Variants in OSBPL5 observed in about 807,000 individuals in gnomAD.
The protein encoded by OSBPL5 is oxysterol binding protein like 5.
A neutral mutation model predicts 111.2 loss-of-function variants in OSBPL5; 71 were observed. The observed-to-expected ratio is 0.64, with a 90% CI of 0.53 to 0.78. OSBPL5 has a LOEUF of 0.78. Ranked by LOEUF, OSBPL5 falls within the 30% of genes least tolerant of loss-of-function variation. The probability of loss-of-function intolerance (pLI) is 0.00; values close to 1 mark genes in which losing one functional copy is unlikely to be tolerated. For missense variants in OSBPL5, 1,210 were observed against 1,189.3 expected, an observed-to-expected ratio of 1.02 and a Z score of -0.26; for synonymous variants, 549 against 513.9, an observed-to-expected ratio of 1.07 and a Z score of -0.93.
intron 1 of OSBPL5, among the ~76,000 whole-genome samples, chr11:3,157,321 A>G (rs1035123745): frequency 5.7e-4 from 86 of 152,136 alleles, no homozygotes; most frequent in African/African-American, 2.0e-3. Flanking sequence ...GGGGCAGATA[A>G]GGAAGGAGCC....
rs1272008709 is a variant in OSBPL5, at chr11:3,140,398, G to A, written c.-21-11229C>T. Among the ~76,000 whole-genome samples the A allele has an allele frequency of 6.6e-6, 1 of 152,114 alleles. No homozygotes were observed. The highest frequency in any genetic ancestry group is 1.5e-5 in the Non-Finnish European group (1 of 68,000). ...CAGCCAAGCTAGGACACCCTTCCCAGGGCCAAGGCAGCCCAGGAAAAGCCA... is the reference window on the plus strand; with the variant it reads ...CAGCCAAGCTAGGACACCCTTCCCAAGGCCAAGGCAGCCCAGGAAAAGCCA... On this transcript the variant is annotated intron_variant, in intron 1 of 21. Transcript: ENST00000263650. This position sits in a 1 kb window ranked among gnomAD's most constrained non-coding sequence, Gnocchi z 4.5.
chr11:3,147,732 G>A (rs11025614), intron 1 of OSBPL5, among the ~76,000 whole-genome samples: 2 of 152,224 alleles, frequency 1.3e-5, no homozygotes, highest in Non-Finnish European at 2.9e-5. Flanking sequence ...GTCCAGGGAC[G>A]CGTGGGTGCG....
At position 3,125,310 on chromosome 11, in the gene OSBPL5, C is replaced by T. The variant is rs539637845; in HGVS notation, c.219+1163G>A. Among the ~76,000 whole-genome samples the T allele has an allele frequency of 2.0e-5, 3 of 152,268 alleles. 1 individual carries two copies. In the South Asian group the frequency reaches 6.2e-4, roughly 32 times the overall value. On this transcript the variant is annotated intron_variant, in intron 3 of 21. Transcript: ENST00000263650. ...ATGTATCGGATAAGGACCTAGTATC[C>T]AAAATGCATAAAGAACTCTTGCAGC...
rs781098795 is a variant in OSBPL5 at position 3,107,490 on chromosome 11, C to T, written c.867-35G>A. ...GGATGGTGCCAGTGGGTCCCTGTCA[C>T]AGGTGAGAGCCCAGCACAGCCCTCT... On this transcript the variant is annotated intron_variant, in intron 8 of 21. Coordinates refer to ENST00000263650, the MANE Select transcript of OSBPL5 (RefSeq NM_020896.4). The surrounding 1 kb of genome is among the most constrained non-coding windows in gnomAD (Gnocchi z 6.1). The T allele has an allele frequency of 1.2e-6, 2 of 1,609,078 alleles. No individual in the cohort carries two copies. The highest frequency in any genetic ancestry group is 1.1e-5 in the South Asian group (1 of 90,754).
chr11:3,149,005 C>A (rs1172382032), intron 1 of OSBPL5, among the ~76,000 whole-genome samples: 1 of 152,208 alleles, frequency 6.6e-6, no homozygotes. Context: ...CTCCAGAGAG[C>A]ATGGACCCCC....
Position 3,090,574 on chromosome 11 carries a change from A to C in OSBPL5, c.2382T>G (p.Asp794Glu), listed in dbSNP as rs868793937. The change falls in exon 20 of 22, where the codon GAT becomes GAG. Residue 794 changes from aspartate (D) to glutamate (E), a missense_variant. Asp to Glu is a conservative substitution (Grantham distance 45). Transcript: ENST00000263650. The part of the protein sequence containing the change: ...SCPELSDEEQ[D>E]GDFVPGGESP... ...GGGGCTCACCAGGGACAAAGTCACC[A>C]TCCTGCTCCTCGTCTGAGAGCTCTG... is the stretch of plus-strand genomic sequence containing the variant. The C allele has an allele frequency of 6.2e-7, 1 of 1,612,960 alleles. No individual in the cohort carries two copies.
rs756160532 is a variant in OSBPL5, at chr11:3,093,840, G to A, written c.1720-5C>T. 27 of 1,609,074 alleles carry A rather than the reference G, an allele frequency of 1.7e-5. No homozygotes were observed. In the East Asian group the frequency reaches 3.4e-4, roughly 20 times the overall value. On this transcript the variant is annotated splice_region_variant and splice_polypyrimidine_tract_variant and intron_variant, in intron 15 of 21. Transcript: ENST00000263650. ...GGTGCTACCCCCGAAGAAGGGCTGC[G>A]GGGCCACACCCAGAACAGAGCCCAG...
At chr11:3,103,841 CAGCCCCTTTCCAGT>C (rs1564830580) in intron 10 of OSBPL5, among the ~76,000 whole-genome samples, 7 of 79,340 alleles carry the variant, frequency 8.8e-5, no homozygotes, top group Non-Finnish European at 8.3e-5. Context: ...CCAGCCTCTG[CAGCCCCTTTCCAGT>C]CTGCGCAGCC....
At position 3,147,931 on chromosome 11, in the gene OSBPL5, C is replaced by T. The variant is rs564409121; in HGVS notation, c.-22+17285G>A. ...ACGCCCACCATGGCCCTGGCCTCAC[C>T]GAGCTGCCCTCGGTTCCCAGGACCT... On this transcript the variant is annotated intron_variant, in intron 1 of 21. Transcript: ENST00000263650. 2.3e-4 allele frequency among the ~76,000 whole-genome samples: 35 copies of T among 152,274 alleles called. 1 individual carries two copies. The highest frequency in any genetic ancestry group is 3.5e-4 in the Non-Finnish European group (24 of 68,006).
intron 1 of OSBPL5, among the ~76,000 whole-genome samples, chr11:3,131,362 C>T (rs1272450543): frequency 1.3e-5 from 2 of 151,196 alleles, no homozygotes; most frequent in African/African-American, 4.9e-5. Flanking sequence ...TCCATCCATC[C>T]ATCCACCCAC....
intron 1 of OSBPL5, among the ~76,000 whole-genome samples, chr11:3,139,033 C>T (rs73415959): frequency 0.15 from 22,856 of 152,242 alleles, 4,438 homozygotes; most frequent in African/African-American, 0.45. Flanking sequence ...GGGCAGGGAC[C>T]GGGTGATGGG....
At chr11:3,137,465 C>T (rs772748553) in intron 1 of OSBPL5, among the ~76,000 whole-genome samples, 5 of 152,188 alleles carry the variant, frequency 3.3e-5, no homozygotes, top group Admixed American at 6.5e-5. Flanking sequence ...TCGGAATGCT[C>T]GCAAGGTGCG....
intron 7 of OSBPL5, among the ~76,000 whole-genome samples, chr11:3,118,371 G>T (rs1858282706): frequency 6.6e-6 from 1 of 152,086 alleles, no homozygotes; most frequent in Non-Finnish European, 1.5e-5. Flanking sequence ...ATCTACCTAT[G>T]ACCTGGAAGC....
rs182764689 is a variant in OSBPL5 at position 3,104,646 on chromosome 11, G to A, written c.1060-269C>T. On this transcript the variant is annotated intron_variant, in intron 9 of 21. Coordinates refer to ENST00000263650, the MANE Select transcript of OSBPL5 (RefSeq NM_020896.4). This position sits in a 1 kb window ranked among gnomAD's most constrained non-coding sequence, Gnocchi z 5.0. ...TCCTTGCCCAGGGACCCCATGCCCT[G>A]CCCTCCTCAAAGTCCAGGGTGCAGC... 1.2e-3 allele frequency among the ~76,000 whole-genome samples: 177 copies of A among 152,204 alleles called. No homozygotes were observed. Among genetic ancestry groups the A allele is most frequent in the African/African-American group, 3.9e-3 (160 of 41,522 alleles).
At position 3,110,342 on chromosome 11, in the gene OSBPL5, A is replaced by C. The variant is rs1294765598; in HGVS notation, c.692-2397T>G. 6.6e-6 allele frequency among the ~76,000 whole-genome samples: 1 copy of C among 152,206 alleles called. No homozygotes were observed. Among genetic ancestry groups the C allele is most frequent in the South Asian group, 2.1e-4 (1 of 4,832 alleles). ...GGGTAGGGCCCCAACCTCAGGTTAG[A>C]GGGAGGAACGGCCAAGAGGGAATCC... On this transcript the variant is annotated intron_variant, in intron 7 of 21. Transcript: ENST00000263650. The surrounding 1 kb of genome is among the most constrained non-coding windows in gnomAD (Gnocchi z 5.3).
Position 3,107,400 on chromosome 11 carries a change from T to G in OSBPL5, c.922A>C (p.Asn308His). Residue 308 changes from asparagine to histidine, a missense_variant, in exon 9 of 22, where the codon AAC becomes CAC. By Grantham distance (68) the Asn-to-His change is moderately conservative (BLOSUM62 1). Transcript: ENST00000263650. This position sits in a 1 kb window ranked among gnomAD's most constrained non-coding sequence, Gnocchi z 6.1. ...DAFSDKSERE[N>H]PEESDTETQD... is the part of the protein sequence containing the mutation. ...GTCTCGGTATCTGACTCCTCAGGGT[T>G]CTCTCTCTCCGACTTGTCTGAGAAT... 1.2e-6 allele frequency: 2 copies of G among 1,613,932 alleles called. No individual in the cohort carries two copies. The highest frequency in any genetic ancestry group is 1.7e-6 in the Non-Finnish European group (2 of 1,179,948).
chr11:3,124,098 A>T (rs1481135331), intron 3 of OSBPL5, among the ~76,000 whole-genome samples: 4 of 152,166 alleles, frequency 2.6e-5, no homozygotes, highest in Non-Finnish European at 5.9e-5. Context: ...AGCACGTTAG[A>T]TCCCACAGCT....
chr11:3,119,699 C>T, intron 6 of OSBPL5, 68 bp from the exon 7 acceptor site: 1 of 1,465,250 alleles, frequency 6.8e-7, no homozygotes, highest in East Asian at 2.6e-5. Context: ...ATAGGTCAGG[C>T]AGAACCATGC....
intron 1 of OSBPL5, among the ~76,000 whole-genome samples, chr11:3,135,585 T>C (rs954725488): frequency 2.6e-5 from 4 of 151,918 alleles, no homozygotes; most frequent in Admixed American, 2.6e-4. Flanking sequence ...CACCCCTGCC[T>C]GTGCCCAAAG....
Sources: gnomAD v4.1 joint callset for allele counts (sites outside exome capture counted in the v4.1 genomes callset) on GRCh38, gnomAD v4.1.1 for gene constraint, Gnocchi (gnomAD v3.1) non-coding constraint, MANE v1.5 for transcripts, NCBI Gene and HGNC (gene_info 2026-07-23, HGNC 2026-07-21) for gene names.